ZFHX2: variants seen among roughly 807,000 people sequenced by gnomAD.
The protein encoded by ZFHX2 is zinc finger homeobox 2, also known as zinc finger homeobox protein 2.
A neutral mutation model predicts 164.8 loss-of-function variants in ZFHX2; 75 were observed. The ratio of observed to expected loss-of-function variants is 0.46; its 90% CI spans 0.38 to 0.55. The LOEUF (loss-of-function observed/expected upper bound fraction) is 0.55. ZFHX2 is among the 20% of genes least tolerant of loss of function. The probability of loss-of-function intolerance (pLI) is 0.00; values close to 1 mark genes in which losing one functional copy is unlikely to be tolerated. For synonymous variants in ZFHX2, 1,217 were observed against 1,351.4 expected, an observed-to-expected ratio of 0.90 and a Z score of 2.18; for missense variants, 2,933 against 3,308.0, an observed-to-expected ratio of 0.89 and a Z score of 2.78.
Position 23,522,232 on chromosome 14 carries a change from G to A in ZFHX2, c.7449C>T (p.Ser2483=). The change falls in exon 10 of 10, where the codon TCC becomes TCT. Residue 2483 remains serine, a synonymous_variant. Coordinates refer to ENST00000419474, the MANE Select transcript of ZFHX2 (RefSeq NM_033400.3). ...TGGGCACCCGCAATGGGGGTGGCAT[G>A]GAGCCCCCAGAGCCCCGCCCAAAGA... ...FCFFGRGSGG[S]MPPPLRVPIC... The A allele has an allele frequency of 6.8e-7, 1 of 1,478,678 alleles. No individual in the cohort carries two copies. Among genetic ancestry groups the A allele is most frequent in the Non-Finnish European group, 9.0e-7 (1 of 1,116,882 alleles). 91.6% of individuals were successfully genotyped at this position (1,478,678 alleles called of 1,614,324 possible). A position where few individuals can be genotyped will look rare whatever the true frequency, so the allele number is the denominator to read the frequency against.
chr14:23,553,872 C>T (rs138109932), upstream of ZFHX2, among the ~76,000 whole-genome samples: 2 of 151,828 alleles, frequency 1.3e-5, no homozygotes, highest in African/African-American at 2.4e-5. Context: ...CCAGCCTGGG[C>T]GACAAAGCGA....
rs996424448 is a variant in ZFHX2, at chr14:23,526,922, A to G, written c.3187T>C (p.Leu1063=). ...TCTTGGCCATTGTCCAGAGGGCTTA[A>G]TGTGGGTGCAGACAGCACTTTGGTT... ...FTTKVLSAPT[L]SPLDNGQEPP... is the part of the protein sequence containing the mutation. The change falls in exon 8 of 10, where the codon TTA becomes CTA. Residue 1063 remains leucine (L), a synonymous_variant. Coordinates refer to ENST00000419474, the MANE Select transcript of ZFHX2 (RefSeq NM_033400.3). 6.5e-7 allele frequency: 1 copy of G among 1,534,088 alleles called. No individual in the cohort carries two copies. The highest frequency in any genetic ancestry group is 2.0e-5 in the Admixed American group (1 of 50,504).
chr14:23,547,405 G>T (rs1881503412), intron 1 of ZFHX2, among the ~76,000 whole-genome samples: 1 of 152,232 alleles, frequency 6.6e-6, no homozygotes, highest in Non-Finnish European at 1.5e-5. Flanking sequence ...TGGGAATGGG[G>T]TGGGGATGCT....
chr14:23,552,710 T>C (rs1009863467), upstream of ZFHX2, among the ~76,000 whole-genome samples: 1 of 152,008 alleles, frequency 6.6e-6, no homozygotes, highest in African/African-American at 2.4e-5. Context: ...CAAGTGATTC[T>C]CCTGCCTCAG....
At chr14:23,537,274 A>G (rs1880275735) in intron 1 of ZFHX2, among the ~76,000 whole-genome samples, 1 of 151,444 alleles carries the variant, frequency 6.6e-6, no homozygotes, top group Non-Finnish European at 1.5e-5. Context: ...AAACTCACCA[A>G]TTCCCATGCC....
In ZFHX2 at chr14:23,521,757, T is replaced by G; in HGVS notation, c.*205A>C. 1.2e-6 allele frequency: 1 copy of G among 845,252 alleles called. No homozygotes were observed. The highest frequency in any genetic ancestry group is 1.7e-6 in the Non-Finnish European group (1 of 572,060). 52.4% of individuals were successfully genotyped at this position (845,252 alleles called of 1,614,324 possible). A position where few individuals can be genotyped will look rare whatever the true frequency, so the allele number is the denominator to read the frequency against. ...GCAAGGAGCTGAGGAGGAGGATCAA[T>G]GTGTGTGTCTGTGGGGATTGGGAGG... On this transcript the variant is annotated 3_prime_UTR_variant, in exon 10 of 10. Transcript: ENST00000419474.
upstream of ZFHX2, among the ~76,000 whole-genome samples, chr14:23,552,789 C>T (rs1204574872): frequency 3.3e-5 from 5 of 151,150 alleles, no homozygotes; most frequent in African/African-American, 7.3e-5. Context: ...TTAGTAGAGA[C>T]GGGGGTTTCA....
At position 23,522,898 on chromosome 14, in the gene ZFHX2, G is replaced by A. The variant is rs1041140180; in HGVS notation, c.6783C>T (p.Val2261=). 4.7e-6 allele frequency: 7 copies of A among 1,475,566 alleles called. No individual in the cohort carries two copies. Among genetic ancestry groups the A allele is most frequent in the Admixed American group, 2.4e-5 (1 of 42,228 alleles). The allele number at this position is 1,475,566 out of a possible 1,614,324, so 91.4% of individuals were successfully genotyped here. Residue 2261 remains valine, a synonymous_variant, in exon 10 of 10, where the codon GTC becomes GTT. Coordinates refer to ENST00000419474, the MANE Select transcript of ZFHX2 (RefSeq NM_033400.3). The stretch of plus-strand genomic sequence containing the variant: ...TCTGGACCACTGTGGTGGTAGGCAG[G>A]ACCGAAGTGGCGAGGCCGAGGAGGC... ...SSGLLGLATS[V]LPTTTVVQTA... is the part of the protein sequence containing the mutation.
intron 8 of ZFHX2, 30 bp downstream of exon 8, chr14:23,526,817 C>T (rs1206339441): frequency 1.3e-6 from 2 of 1,523,144 alleles, no homozygotes; most frequent in Non-Finnish European, 1.8e-6. Flanking sequence ...TTTCCTGGTA[C>T]CTTGGGAGGT....
At position 23,533,297 on chromosome 14, in the gene ZFHX2, A is replaced by T; in HGVS notation, c.2029T>A (p.Phe677Ile). Residue 677 changes from phenylalanine (F) to isoleucine (I), a missense_variant, in exon 2 of 10, where the codon TTC becomes ATC. Coordinates refer to ENST00000419474, the MANE Select transcript of ZFHX2 (RefSeq NM_033400.3). The surrounding 1 kb of genome is among the most constrained non-coding windows in gnomAD (Gnocchi z 4.8). ...FHHVGAPARK[F>I]PTSAPGSLSP... ...CACAGAAGCTTACCGGATGTGGGGA[A>T]CTTGCGGGCAGGTGCTCCTACGTGG... 1 of 1,436,636 alleles carries T rather than the reference A, an allele frequency of 7.0e-7. No individual in the cohort carries two copies. Among genetic ancestry groups the T allele is most frequent in the Non-Finnish European group, 9.1e-7 (1 of 1,099,446 alleles). 89.0% of individuals were successfully genotyped at this position (1,436,636 alleles called of 1,614,324 possible). A position where few individuals can be genotyped will look rare whatever the true frequency, so the allele number is the denominator to read the frequency against.
At chr14:23,530,488 C>T (rs761436911) in intron 4 of ZFHX2, 1 of 602,480 alleles carries the variant, frequency 1.7e-6, no homozygotes, top group South Asian at 1.6e-5. Context: ...AACTCAGCTC[C>T]CTGTCTTAAA....
At chr14:23,550,757 C>CA (rs1373452088) in intron 1 of ZFHX2, among the ~76,000 whole-genome samples, 21 of 151,908 alleles carry the variant, frequency 1.4e-4, no homozygotes, top group Admixed American at 1.1e-3. Flanking sequence ...TCAACACTTT[C>CA]AAAAAAAGGA....
chr14:23,541,202 G>A (rs1262034511), intron 1 of ZFHX2, among the ~76,000 whole-genome samples: 3 of 151,492 alleles, frequency 2.0e-5, no homozygotes, highest in Non-Finnish European at 4.4e-5. Context: ...CACTGCGCCC[G>A]GCCTCTGTTC....
Position 23,534,157 on chromosome 14 carries a change from T to C in ZFHX2, c.1169A>G (p.Asn390Ser), listed in dbSNP as rs1199688412. 6.8e-7 allele frequency: 1 copy of C among 1,473,266 alleles called. No individual in the cohort carries two copies. The highest frequency in any genetic ancestry group is 2.3e-5 in the Admixed American group (1 of 43,080). 91.3% of individuals were successfully genotyped at this position (1,473,266 alleles called of 1,614,324 possible). A position where few individuals can be genotyped will look rare whatever the true frequency, so the allele number is the denominator to read the frequency against. Residue 390 changes from asparagine (N) to serine (S), a missense_variant, in exon 2 of 10, where the codon AAC (asparagine) becomes AGC (serine). By Grantham distance (46) the Asn-to-Ser change is conservative. Coordinates refer to ENST00000419474, the MANE Select transcript of ZFHX2 (RefSeq NM_033400.3). This position sits in a 1 kb window ranked among gnomAD's most constrained non-coding sequence, Gnocchi z 4.5. Reference protein sequence around the residue: ...EEDGGLCPPLNQSSPTSKEGG... With the variant: ...EEDGGLCPPLSQSSPTSKEGG... ...CTCCTTGGAGGTGGGTGAGCTTTGG[T>C]TGAGTGGGGGGCAGAGCCCTCCATC...
In ZFHX2 at chr14:23,522,721, G is replaced by A. The variant is rs1878171257; in HGVS notation, c.6960C>T (p.Thr2320=). The A allele has an allele frequency of 6.5e-7, 1 of 1,536,616 alleles. No homozygotes were observed. The highest frequency in any genetic ancestry group is 2.0e-5 in the Admixed American group (1 of 51,000). ...TCTTGAGGGCATCATTGGAGGAGCT[G>A]GTGGGGCCTGCAACTGGCTTTCGCT... ...SSERKPVAGP[T]SSSNDALKNL... The change falls in exon 10 of 10, where the codon ACC becomes ACT. Residue 2320 remains threonine (T), a synonymous_variant. Transcript: ENST00000419474.
rs960742737 is a variant in ZFHX2, at chr14:23,524,399, C to T, written c.5543G>A (p.Gly1848Glu). Reference sequence around the variant, plus strand: ...CCTGGGGGGCTCGCCCTCCCCTCCTCCCCCTGCTTCACTGCCTGTGGGAGA... The same window carrying T: ...CCTGGGGGGCTCGCCCTCCCCTCCTTCCCCTGCTTCACTGCCTGTGGGAGA... Reference protein sequence around the residue: ...SLSPTGSEAGGGGEGEPPRDK... With the variant: ...SLSPTGSEAGEGGEGEPPRDK... The change falls in exon 9 of 10, where the codon GGA becomes GAA. Residue 1848 changes from glycine (G) to glutamate (E), a missense_variant. Coordinates refer to ENST00000419474, the MANE Select transcript of ZFHX2 (RefSeq NM_033400.3). The surrounding 1 kb of genome is among the most constrained non-coding windows in gnomAD (Gnocchi z 5.6). 2 of 1,536,102 alleles carry T rather than the reference C, an allele frequency of 1.3e-6. No individual in the cohort carries two copies. The highest frequency in any genetic ancestry group is 1.4e-5 in the African/African-American group (1 of 73,060).
chr14:23,521,871 G>A lies in ZFHX2; in HGVS notation c.*91C>T. 3 of 1,502,368 alleles carry A rather than the reference G, an allele frequency of 2.0e-6. No individual in the cohort carries two copies. Among genetic ancestry groups the A allele is most frequent in the South Asian group, 1.3e-5 (1 of 77,340 alleles). 93.1% of individuals were successfully genotyped at this position (1,502,368 alleles called of 1,614,324 possible). On this transcript the variant is annotated 3_prime_UTR_variant, in exon 10 of 10. Coordinates refer to ENST00000419474, the MANE Select transcript of ZFHX2 (RefSeq NM_033400.3). ...TGTGAGGTGGGCGGGGCCAGGGGGT[G>A]GGGTGAGGGATTTGAGCTCCCACCG... is the stretch of plus-strand genomic sequence containing the variant.
In ZFHX2 at chr14:23,522,223, G is replaced by C; in HGVS notation, c.7458C>G (p.Pro2486=). 6.8e-7 allele frequency: 1 copy of C among 1,478,836 alleles called. No individual in the cohort carries two copies. Among genetic ancestry groups the C allele is most frequent in the Admixed American group, 2.2e-5 (1 of 44,958 alleles). 91.6% of individuals were successfully genotyped at this position (1,478,836 alleles called of 1,614,324 possible). ...FGRGSGGSMP[P]PLRVPICTYH... ...AGGTGCAGATGGGCACCCGCAATGG[G>C]GGTGGCATGGAGCCCCCAGAGCCCC... The change falls in exon 10 of 10, where the codon CCC becomes CCG. Residue 2486 remains proline (P), a synonymous_variant. Transcript: ENST00000419474.
At chr14:23,552,584 G>A (rs574809486), upstream of ZFHX2, among the ~76,000 whole-genome samples, 4 of 148,478 alleles carry the variant, frequency 2.7e-5, no homozygotes, top group East Asian at 2.0e-4. Flanking sequence ...AACCACCACC[G>A]CGCCCAGCCC....
Sources: allele counts gnomAD v4.1 joint callset (sites outside exome capture counted in the v4.1 genomes callset), GRCh38; gene constraint gnomAD v4.1.1; non-coding constraint Gnocchi (gnomAD v3.1); transcripts MANE v1.5; gene names NCBI Gene and HGNC (gene_info 2026-07-23, HGNC 2026-07-21).